The following IGBP1C variants were observed in gnomAD, a reference collection of about 807,000 sequenced individuals.
IGBP1C encodes IGBP1 family member C.
At chr17:58,661,975 C>T in the IGBP1C span, 472 of 179,220 alleles carry the variant, frequency 2.6e-3, 1 homozygote, top group Non-Finnish European at 4.2e-3. Context: ...CTTTGGGACC[C>T]CCAAAGTGAC....
At chr17:58,679,943 T>C in the IGBP1C span, among the ~76,000 whole-genome samples, 1 of 152,164 alleles carries the variant, frequency 6.6e-6, no homozygotes, top group African/African-American at 2.4e-5. Context: ...TCTCATTCAG[T>C]ATGTCCTTTC....
chr17:58,679,299 C>T, the IGBP1C span, among the ~76,000 whole-genome samples: 1 of 152,156 alleles, frequency 6.6e-6, no homozygotes, highest in Non-Finnish European at 1.5e-5. Context: ...TCCCTTAGAG[C>T]CGCCAAAGGT....
At chr17:58,688,836 T>A in the IGBP1C span, among the ~76,000 whole-genome samples, 9 of 152,306 alleles carry the variant, frequency 5.9e-5, no homozygotes, top group East Asian at 1.7e-3. Flanking sequence ...TACTGAAGTA[T>A]CCAGTTTAAG....
At chr17:58,672,301 G>GAGCCAATC in the IGBP1C span, among the ~76,000 whole-genome samples, 1 of 152,098 alleles carries the variant, frequency 6.6e-6, no homozygotes, top group Non-Finnish European at 1.5e-5. Flanking sequence ...ACTGGTCCTA[G>GAGCCAATC]AGCCAATCAA....
the IGBP1C span, among the ~76,000 whole-genome samples, chr17:58,662,699 T>G: frequency 1.3e-5 from 2 of 152,120 alleles, no homozygotes; most frequent in Admixed American, 6.5e-5. Context: ...CAACCATCAC[T>G]TTGCCTCATG....
chr17:58,672,347 C>A, the IGBP1C span, among the ~76,000 whole-genome samples: 13 of 152,298 alleles, frequency 8.5e-5, no homozygotes, highest in African/African-American at 3.1e-4. Context: ...CCCAGCACTG[C>A]TGGAGAAAAA....
At chr17:58,673,484 A>AAAATAAATAAATAAAT in the IGBP1C span, among the ~76,000 whole-genome samples, 51 of 143,508 alleles carry the variant, frequency 3.6e-4, no homozygotes, top group East Asian at 1.9e-3. Flanking sequence ...CTCCATCTCA[A>AAAATAAATAAATAAAT]AAATAAATAA....
At chr17:58,678,509 G>C in the IGBP1C span, among the ~76,000 whole-genome samples, 1 of 152,128 alleles carries the variant, frequency 6.6e-6, no homozygotes, top group African/African-American at 2.4e-5. Context: ...AAAAGGATGA[G>C]TTCATGTCCT....
At chr17:58,664,903 G>A in the IGBP1C span, among the ~76,000 whole-genome samples, 2 of 152,166 alleles carry the variant, frequency 1.3e-5, no homozygotes, top group Non-Finnish European at 2.9e-5. Context: ...TGGGTTCAGT[G>A]GCACTGAGTG....
the IGBP1C span, chr17:58,660,931 T>C: frequency 2.1e-6 from 2 of 962,792 alleles, no homozygotes; most frequent in East Asian, 4.8e-5. Flanking sequence ...TTGAAGAGTC[T>C]TTCTCTCCCA....
the IGBP1C span, among the ~76,000 whole-genome samples, chr17:58,668,342 CA>C: frequency 6.6e-6 from 1 of 152,132 alleles, no homozygotes. Flanking sequence ...ATCCTTACAG[CA>C]AAAAAGTGCA....
chr17:58,681,043 A>G, the IGBP1C span, among the ~76,000 whole-genome samples: 1 of 152,042 alleles, frequency 6.6e-6, no homozygotes, highest in Non-Finnish European at 1.5e-5. Flanking sequence ...GCACTTTGGG[A>G]GGCTGAGGTG....
At chr17:58,666,458 C>CAAACA in the IGBP1C span, 1 of 36,812 alleles carries the variant, frequency 2.7e-5, no homozygotes. Flanking sequence ...CCTTCCACGG[C>CAAACA]AAAAAAAAAA....
At chr17:58,691,122 C>T in the IGBP1C span, among the ~76,000 whole-genome samples, 488 of 152,114 alleles carry the variant, frequency 3.2e-3, 5 homozygotes, top group African/African-American at 0.011. Context: ...TCCCAAAGTG[C>T]TGGGATTACA....
the IGBP1C span, among the ~76,000 whole-genome samples, chr17:58,672,590 G>C: frequency 6.6e-6 from 1 of 151,748 alleles, no homozygotes; most frequent in African/African-American, 2.4e-5. Context: ...CGCGCCACCA[G>C]GCCCAGCTAA....
the IGBP1C span, among the ~76,000 whole-genome samples, chr17:58,683,007 C>T: frequency 8.8e-5 from 13 of 147,932 alleles, no homozygotes; most frequent in Admixed American, 2.7e-4. Flanking sequence ...GTGTCGAGAT[C>T]GCGCCATTGC....
At chr17:58,681,103 G>A in the IGBP1C span, among the ~76,000 whole-genome samples, 4 of 151,944 alleles carry the variant, frequency 2.6e-5, no homozygotes, top group East Asian at 3.9e-4. Context: ...CCAACATGGC[G>A]AAACCCTCTC....
chr17:58,680,407 T>C, the IGBP1C span, among the ~76,000 whole-genome samples: 208 of 152,250 alleles, frequency 1.4e-3, 1 homozygote, highest in Middle Eastern at 0.014. Flanking sequence ...AAATGATCAA[T>C]CTTACTTGAA....
the IGBP1C span, among the ~76,000 whole-genome samples, chr17:58,669,729 G>T: frequency 1.2e-5 from 1 of 86,418 alleles, no homozygotes; most frequent in African/African-American, 4.8e-5. Flanking sequence ...GAGAGACTCC[G>T]TCTCAAAAAA....
Sources: gnomAD v4.1 joint callset for allele counts (sites outside exome capture counted in the v4.1 genomes callset) on GRCh38, gnomAD v4.1.1 for gene constraint, MANE v1.5 for transcripts, NCBI Gene and HGNC (gene_info 2026-07-23, HGNC 2026-07-21) for gene names.